STXBP4: variants seen among roughly 807,000 people sequenced by gnomAD.
STXBP4 encodes the protein syntaxin binding protein 4.
A neutral mutation model predicts 76.1 loss-of-function variants in STXBP4; 55 were observed. The observed-to-expected ratio is 0.72, with a 90% CI of 0.58 to 0.91. The LOEUF (loss-of-function observed/expected upper bound fraction) is 0.91, where lower values mean the gene tolerates loss of function less well. Among genes scored for constraint, STXBP4 ranks in the 40% least tolerant of loss-of-function variants. STXBP4 has a pLI of 0.00. For missense variants in STXBP4, 618 were observed against 636.9 expected (o/e 0.97, Z 0.32); for synonymous variants, 201 against 220.2 (o/e 0.91, Z 0.77).
intron 12 of STXBP4, among the ~76,000 whole-genome samples, chr17:55,059,261 T>G (rs1398848366): frequency 6.6e-6 from 1 of 152,200 alleles, no homozygotes; most frequent in Non-Finnish European, 1.5e-5. Flanking sequence ...ATAAGCCTAC[T>G]GTGTGTACAT....
chr17:55,090,835 TTGTGTGTGTGTGTGTGTGTCTGTG>T (rs1464252092), intron 16 of STXBP4, among the ~76,000 whole-genome samples: 13 of 149,506 alleles, frequency 8.7e-5, no homozygotes, highest in African/African-American at 2.2e-4. Flanking sequence ...ACATTTTAAA[TTGTGTGTGTGTGTGTGTGTCTGTG>T]TGTGTGTGTG....
intron 8 of STXBP4, among the ~76,000 whole-genome samples, chr17:55,010,934 T>A (rs2144563848): frequency 6.6e-6 from 1 of 152,342 alleles, no homozygotes; most frequent in East Asian, 1.9e-4. Flanking sequence ...CCTTAGTCAT[T>A]TAATAAATTA....
Position 55,081,102 on chromosome 17 carries a change from A to T in STXBP4, c.1408A>T (p.Asn470Tyr). Residue 470 changes from asparagine (N) to tyrosine (Y), a missense_variant, in exon 16 of 18, where the codon AAT (asparagine) becomes TAT (tyrosine). Asn to Tyr is a moderately radical substitution (Grantham distance 143). Transcript: ENST00000376352. ...SQTSLTPLGR[N>Y]GRSIPATLAL... ...GACTTCCCTCACACCACTGGGAAGG[A>T]ATGGACGTAGCATCCCAGCAACGCT... 1 of 1,561,146 alleles carries T rather than the reference A, an allele frequency of 6.4e-7. No individual in the cohort carries two copies. The highest frequency in any genetic ancestry group is 1.2e-5 in the South Asian group (1 of 83,000).
the STXBP4 span, among the ~76,000 whole-genome samples, chr17:55,212,656 C>T: frequency 6.6e-6 from 1 of 152,160 alleles, no homozygotes; most frequent in African/African-American, 2.4e-5. Flanking sequence ...TTTATTACAT[C>T]TTCTCACTGT....
intron 12 of STXBP4, among the ~76,000 whole-genome samples, chr17:55,065,120 A>G (rs1345122199): frequency 6.6e-6 from 1 of 152,144 alleles, no homozygotes; most frequent in Admixed American, 6.5e-5. Flanking sequence ...TTTTCAATCA[A>G]TATTTATTAG....
intron 12 of STXBP4, among the ~76,000 whole-genome samples, chr17:55,070,722 T>C (rs1213957940): frequency 6.6e-6 from 1 of 152,066 alleles, no homozygotes; most frequent in Non-Finnish European, 1.5e-5. Context: ...CACGACCTTT[T>C]TTTATCCATT....
the STXBP4 span, among the ~76,000 whole-genome samples, chr17:55,207,985 G>T: frequency 6.6e-6 from 1 of 151,528 alleles, no homozygotes; most frequent in South Asian, 2.1e-4. Context: ...ATTAAGAAAA[G>T]AATAAAATAG....
At chr17:55,068,297 A>G (rs535718944) in intron 12 of STXBP4, among the ~76,000 whole-genome samples, 1 of 152,250 alleles carries the variant, frequency 6.6e-6, no homozygotes, top group South Asian at 2.1e-4. Flanking sequence ...AAAACATTAT[A>G]TCTCTTTGCA....
the STXBP4 span, among the ~76,000 whole-genome samples, chr17:55,209,398 G>A: frequency 6.6e-6 from 1 of 152,150 alleles, no homozygotes; most frequent in South Asian, 2.1e-4. Flanking sequence ...CGCAGGCCCA[G>A]CTGAGGCGCA....
intron 16 of STXBP4, among the ~76,000 whole-genome samples, chr17:55,094,780 A>G (rs953119450): frequency 6.6e-6 from 1 of 152,198 alleles, no homozygotes; most frequent in African/African-American, 2.4e-5. Flanking sequence ...CCAGATACAT[A>G]GCAGCAATCT....
At chr17:55,021,234 T>A (rs1257266136) in intron 8 of STXBP4, among the ~76,000 whole-genome samples, 2 of 151,980 alleles carry the variant, frequency 1.3e-5, no homozygotes, top group African/African-American at 4.8e-5. Flanking sequence ...AATTAGCAGA[T>A]TCTTGGGGTG....
chr17:55,175,220 A>G (rs1472173881), downstream of STXBP4, among the ~76,000 whole-genome samples: 1 of 152,202 alleles, frequency 6.6e-6, no homozygotes, highest in Non-Finnish European at 1.5e-5. Flanking sequence ...AGAGACCTCT[A>G]TACCACTGAA....
chr17:55,067,719 T>C (rs2144850220), intron 12 of STXBP4, among the ~76,000 whole-genome samples: 1 of 152,226 alleles, frequency 6.6e-6, no homozygotes, highest in Admixed American at 6.5e-5. Flanking sequence ...AAGAACACAG[T>C]AGGCAGGGTG....
the STXBP4 span, among the ~76,000 whole-genome samples, chr17:55,198,259 G>A: frequency 1.3e-5 from 2 of 152,228 alleles, no homozygotes; most frequent in Non-Finnish European, 2.9e-5. Context: ...ATGGGGGACA[G>A]GTTTGCAAGG....
the STXBP4 span, among the ~76,000 whole-genome samples, chr17:55,199,796 A>G: frequency 6.6e-6 from 1 of 152,310 alleles, no homozygotes; most frequent in Admixed American, 6.5e-5. Flanking sequence ...CATAGAATAA[A>G]TTACCAAGGC....
chr17:55,101,111 G>A (rs1210433318), intron 16 of STXBP4, among the ~76,000 whole-genome samples: 1 of 152,134 alleles, frequency 6.6e-6, no homozygotes, highest in Non-Finnish European at 1.5e-5. Context: ...TGCTATATGT[G>A]TGGTAGTTTG....
In STXBP4 at chr17:55,043,261, C is replaced by G; in HGVS notation, c.881C>G (p.Ala294Gly). The part of the protein sequence containing the change: ...SQLLPCDSSE[A>G]DEMERLKCER... Reference sequence around the variant, plus strand: ...CTTCTTCCTTGTGATTCTTCAGAAGCAGATGAAATGGAAAGGCTCAAGTGT... The same window carrying G: ...CTTCTTCCTTGTGATTCTTCAGAAGGAGATGAAATGGAAAGGCTCAAGTGT... Residue 294 changes from alanine (A) to glycine (G), a missense_variant, in exon 11 of 18, where the codon GCA becomes GGA. Transcript: ENST00000376352. 6.6e-7 allele frequency: 1 copy of G among 1,524,078 alleles called. No homozygotes were observed. The highest frequency in any genetic ancestry group is 8.8e-7 in the Non-Finnish European group (1 of 1,137,098). 94.4% of individuals were successfully genotyped at this position (1,524,078 alleles called of 1,614,324 possible). A position where few individuals can be genotyped will look rare whatever the true frequency, so the allele number is the denominator to read the frequency against.
chr17:54,998,840 TA>T (rs2077858290), intron 4 of STXBP4, among the ~76,000 whole-genome samples: 1 of 99,466 alleles, frequency 1.0e-5, no homozygotes, highest in South Asian at 4.3e-4. Flanking sequence ...TTTGAAAATT[TA>T]ATTTTTTTTT....
chr17:55,000,346 T>G, intron 6 of STXBP4: 17 of 725,130 alleles, frequency 2.3e-5, no homozygotes, highest in Non-Finnish European at 2.9e-5. Flanking sequence ...AGAATTAACA[T>G]ACTCAATTAC....
Sources: gnomAD v4.1 joint callset for allele counts (sites outside exome capture counted in the v4.1 genomes callset) on GRCh38, gnomAD v4.1.1 for gene constraint, MANE v1.5 for transcripts, NCBI Gene and HGNC (gene_info 2026-07-23, HGNC 2026-07-21) for gene names.